Variants in AHI1 observed in about 807,000 individuals in gnomAD.
AHI1 encodes jouberin.
A neutral mutation model predicts 149.3 loss-of-function variants in AHI1; 123 were observed. That is an observed-to-expected ratio of 0.82 (90% CI 0.71 to 0.96). AHI1 has a LOEUF of 0.96. AHI1 is among the 40% of genes least tolerant of loss of function. AHI1 has a pLI of 0.00. For synonymous variants in AHI1, 475 were observed against 459.8 expected (o/e 1.03, Z -0.42); for missense variants, 1,439 against 1,422.7 (o/e 1.01, Z -0.18).
intron 20 of AHI1, among the ~76,000 whole-genome samples, chr6:135,420,058 CT>C (rs1782933901): frequency 6.6e-6 from 1 of 152,154 alleles, no homozygotes; most frequent in Non-Finnish European, 1.5e-5. Flanking sequence ...TCATTCATAT[CT>C]TCAGGCTCTA....
intron 23 of AHI1, among the ~76,000 whole-genome samples, chr6:135,378,260 CA>C (rs1209762004): frequency 1.8e-4 from 28 of 152,186 alleles, no homozygotes; most frequent in African/African-American, 6.7e-4. Context: ...TATTTATTCC[CA>C]AATATTAGTC....
At chr6:135,381,816 A>G (rs1776806619) in intron 23 of AHI1, among the ~76,000 whole-genome samples, 1 of 152,208 alleles carries the variant, frequency 6.6e-6, no homozygotes, top group Non-Finnish European at 1.5e-5. Flanking sequence ...ATAGACTGGA[A>G]AGCCTCTGAG....
rs935309462 is a variant in AHI1 at position 135,336,080 on chromosome 6, T to C, written c.3166-12756A>G. On this transcript the variant is annotated intron_variant, in intron 24 of 28. Coordinates refer to ENST00000265602, the MANE Select transcript of AHI1 (RefSeq NM_001134831.2). ...GTGAGCCAAGATCGCACCACTGCAC[T>C]GCACCCTGGATGACTAGAGCGAAAC... 1.5e-4 allele frequency among the ~76,000 whole-genome samples: 21 copies of C among 137,128 alleles called. No individual in the cohort carries two copies. The Admixed American group carries it at 1.7e-3, about 11-fold the overall frequency. The allele number at this position is 137,128 out of a possible 152,430, so 90.0% of individuals were successfully genotyped here. A position where few individuals can be genotyped will look rare whatever the true frequency, so the allele number is the denominator to read the frequency against.
chr6:135,421,317 A>G lies in AHI1; in HGVS notation c.2764+5850T>C, dbSNP rs145589125. On this transcript the variant is annotated intron_variant, in intron 20 of 28. Coordinates refer to ENST00000265602, the MANE Select transcript of AHI1 (RefSeq NM_001134831.2). Reference sequence around the variant, plus strand: ...AATGGCGCCCACAGACTGGCTTAACATAGAATTGCCACAAACCTTCAATTT... The same window carrying G: ...AATGGCGCCCACAGACTGGCTTAACGTAGAATTGCCACAAACCTTCAATTT... 3.5e-3 allele frequency among the ~76,000 whole-genome samples: 529 copies of G among 152,040 alleles called. 3 individuals are homozygous for G. The highest frequency in any genetic ancestry group is 0.012 in the African/African-American group (482 of 41,550).
chr6:135,479,001 G>C (rs893883895), intron 5 of AHI1, among the ~76,000 whole-genome samples: 6 of 152,276 alleles, frequency 3.9e-5, no homozygotes, highest in African/African-American at 1.4e-4. Context: ...TATTGAGCCT[G>C]TGGGTGTGCA....
At chr6:135,422,523 T>A (rs147242717) in intron 20 of AHI1, among the ~76,000 whole-genome samples, 64 of 151,832 alleles carry the variant, frequency 4.2e-4, no homozygotes, top group Non-Finnish European at 8.0e-4. Flanking sequence ...AAAAAAAAAT[T>A]AGTGCTATAT....
At chr6:135,462,275 T>C (rs1029024229) in intron 8 of AHI1, among the ~76,000 whole-genome samples, 5 of 151,504 alleles carry the variant, frequency 3.3e-5, no homozygotes, top group African/African-American at 4.9e-5. Flanking sequence ...ACTGAAAGAC[T>C]AAAAAAGGAT....
At chr6:135,362,927 T>C (rs1794136797) in intron 23 of AHI1, among the ~76,000 whole-genome samples, 1 of 152,040 alleles carries the variant, frequency 6.6e-6, no homozygotes, top group African/African-American at 2.4e-5. Flanking sequence ...TCATAAAGTC[T>C]TTGCCTAAGC....
chr6:135,369,664 T>C (rs1774738233), intron 23 of AHI1, among the ~76,000 whole-genome samples: 1 of 152,202 alleles, frequency 6.6e-6, no homozygotes, highest in African/African-American at 2.4e-5. Flanking sequence ...CTTCTTCCCA[T>C]GCCTCCTCTT....
chr6:135,473,027 T>A (rs1791998481), intron 5 of AHI1, among the ~76,000 whole-genome samples: 1 of 152,184 alleles, frequency 6.6e-6, no homozygotes. Context: ...TTTTGTATCC[T>A]GAGAAATCTT....
chr6:135,374,108 ATTTTTT>A (rs869245989), intron 23 of AHI1, among the ~76,000 whole-genome samples: 236 of 49,686 alleles, frequency 4.7e-3, no homozygotes, highest in East Asian at 8.0e-3. Context: ...ATATATATAT[ATTTTTT>A]TTTTTTTTTT....
chr6:135,297,444 G>T (rs1329793600), intron 27 of AHI1: 2 of 456,046 alleles, frequency 4.4e-6, no homozygotes, highest in South Asian at 3.1e-5. Flanking sequence ...TTATCTAGAG[G>T]CCTTCTCTAG....
chr6:135,421,803 T>C (rs1297666623), intron 20 of AHI1, among the ~76,000 whole-genome samples: 1 of 152,166 alleles, frequency 6.6e-6, no homozygotes, highest in African/African-American at 2.4e-5. Context: ...AATATTAAAA[T>C]AGGTACTTCA....
rs773114587 is a variant in AHI1 at position 135,427,255 on chromosome 6, G to A, written c.2676C>T (p.Asp892=). ...TATTTTCAAATGGATGATAAGAAAT[G>A]TCTCGAATGGGTGACTTGAATGGCA... The part of the protein sequence containing the change: ...SDLPFKSPIR[D]ISYHPFENMV... The change falls in exon 20 of 29, where the codon GAC becomes GAT. Residue 892 remains aspartate, a synonymous_variant. Transcript: ENST00000265602. 3 of 1,610,450 alleles carry A rather than the reference G, an allele frequency of 1.9e-6. No individual in the cohort carries two copies. Among genetic ancestry groups the A allele is most frequent in the Non-Finnish European group, 2.5e-6 (3 of 1,177,638 alleles).
At chr6:135,475,998 C>T (rs56304408) in intron 5 of AHI1, among the ~76,000 whole-genome samples, 4,791 of 152,218 alleles carry the variant, frequency 0.031, 281 homozygotes, top group African/African-American at 0.11. Flanking sequence ...TATTTCTATC[C>T]TGTGTTTATT....
chr6:135,463,040 C>T, intron 8 of AHI1, 85 bp downstream of exon 8: 1 of 991,002 alleles, frequency 1.0e-6, no homozygotes, highest in East Asian at 2.6e-5. Flanking sequence ...TCAAGTATAC[C>T]CATCAGTTTT....
At chr6:135,332,533 C>CGG (rs1488612702) in intron 24 of AHI1, among the ~76,000 whole-genome samples, 3 of 152,180 alleles carry the variant, frequency 2.0e-5, no homozygotes, top group Non-Finnish European at 2.9e-5. Flanking sequence ...AACTAGGCCC[C>CGG]AACAGACCAG....
chr6:135,465,823 G>C lies in AHI1; in HGVS notation c.740C>G (p.Ala247Gly). 1 of 1,468,102 alleles carries C rather than the reference G, an allele frequency of 6.8e-7. No homozygotes were observed. The highest frequency in any genetic ancestry group is 2.4e-5 in the East Asian group (1 of 42,236). 90.9% of individuals were successfully genotyped at this position (1,468,102 alleles called of 1,614,324 possible). A position where few individuals can be genotyped will look rare whatever the true frequency, so the allele number is the denominator to read the frequency against. The change falls in exon 7 of 29, where the codon GCT becomes GGT. Residue 247 changes from alanine to glycine, a missense_variant. By Grantham distance (60) the Ala-to-Gly change is moderately conservative. Coordinates refer to ENST00000265602, the MANE Select transcript of AHI1 (RefSeq NM_001134831.2). ...ATCAATGCAAAAATACCTTGTTTCA[G>C]CTTTAGAGAAGACTGGAACTTCCTT... ...KKKEVPVFSK[A>G]ETSTLTISGD...
Position 135,398,058 on chromosome 6 carries a change from GTTTTTTTTTTT to G in AHI1, c.2989-3173_2989-3163del, listed in dbSNP as rs68148024. ...AAAAGAAACCAATAATACCCAGGAT[GTTTTTTTTTTT>G]TTTTTTTTTTTGCAAATCATGTATC... On this transcript the variant is annotated intron_variant, in intron 22 of 28. Transcript: ENST00000265602. Among the ~76,000 whole-genome samples, 292 of 88,462 alleles carry G rather than the reference GTTTTTTTTTTT, an allele frequency of 3.3e-3. 6 individuals are homozygous for G. The highest frequency in any genetic ancestry group is 0.011 in the African/African-American group (266 of 23,142). The allele number at this position is 88,462 out of a possible 152,430, so 58.0% of individuals were successfully genotyped here.
Sources: gnomAD v4.1 joint callset for allele counts (sites outside exome capture counted in the v4.1 genomes callset) on GRCh38, gnomAD v4.1.1 for gene constraint, MANE v1.5 for transcripts, NCBI Gene and HGNC (gene_info 2026-07-23, HGNC 2026-07-21) for gene names.